The following ZNF133 variants were observed in gnomAD, a reference collection of about 807,000 sequenced individuals.
ZNF133 encodes the protein zinc finger protein 133.
A neutral mutation model predicts 54.9 loss-of-function variants in ZNF133; 26 were observed. That is an observed-to-expected ratio of 0.47 (90% CI 0.35 to 0.66). The LOEUF (loss-of-function observed/expected upper bound fraction) is 0.66, where lower values mean the gene tolerates loss of function less well. Among genes scored for constraint, ZNF133 ranks in the 30% least tolerant of loss-of-function variants. The probability of loss-of-function intolerance (pLI) is 0.01; values close to 1 mark genes in which losing one functional copy is unlikely to be tolerated. For synonymous variants in ZNF133, 298 were observed against 320.3 expected (o/e 0.93, Z 0.74); for missense variants, 653 against 820.8 (o/e 0.80, Z 2.50).
intron 1 of ZNF133, 29 bp downstream of exon 1, chr20:18,288,633 C>T (rs1051771773): frequency 1.8e-5 from 7 of 398,494 alleles, no homozygotes; most frequent in African/African-American, 4.1e-5. Context: ...GGACCCTTGC[C>T]GCAGCCGTAC....
chr20:18,289,491 T>A (rs1480680883), intron 1 of ZNF133, among the ~76,000 whole-genome samples: 1 of 152,106 alleles, frequency 6.6e-6, no homozygotes, highest in Non-Finnish European at 1.5e-5. Context: ...ACACAGAGAA[T>A]CCTTGCAATC....
At position 18,316,695 on chromosome 20, in the gene ZNF133, TC is replaced by T. The variant is rs1245627178; in HGVS notation, c.1845del (p.Phe615LeufsTer49). On this transcript the variant is annotated frameshift_variant, in exon 7 of 7. Coordinates refer to ENST00000425686, the MANE Select transcript of ZNF133 (RefSeq NM_001352452.2). LOFTEE classifies it low-confidence loss of function (END_TRUNC). ...GTGTGCAAGACGTGTGGGCGGGGCT[TC>T]AGCCTCAAGTCTCACCTCAGCAGAC... ...PYVCKTCGRGFSLKSHLSRHR... is the reference protein window; with the variant it reads ...PYVCKTCGRGXSLKSHLSRHR... The T allele has an allele frequency of 6.2e-7, 1 of 1,614,186 alleles. No individual in the cohort carries two copies. Among genetic ancestry groups the T allele is most frequent in the Admixed American group, 1.7e-5 (1 of 60,022 alleles).
At chr20:18,294,122 C>T (rs1210398328) in intron 1 of ZNF133, among the ~76,000 whole-genome samples, 3 of 152,140 alleles carry the variant, frequency 2.0e-5, no homozygotes, top group African/African-American at 7.2e-5. Context: ...GCTCAGAAGA[C>T]ACCCCCTTAA....
intron 6 of ZNF133, among the ~76,000 whole-genome samples, chr20:18,311,865 A>G (rs1194211329): frequency 1.3e-5 from 2 of 152,232 alleles, no homozygotes; most frequent in Non-Finnish European, 2.9e-5. Context: ...ATAAGATACT[A>G]GTTGGACACA....
intron 6 of ZNF133, among the ~76,000 whole-genome samples, chr20:18,309,150 G>T (rs2147620819): frequency 6.6e-6 from 1 of 152,128 alleles, no homozygotes; most frequent in South Asian, 2.1e-4. Flanking sequence ...ATTGGATTAG[G>T]GCCCACCCTT....
At position 18,306,402 on chromosome 20, in the gene ZNF133, G is replaced by C. The variant is rs1001728481; in HGVS notation, c.217+9G>C. 6.2e-7 allele frequency: 1 copy of C among 1,610,494 alleles called. No homozygotes were observed. Among genetic ancestry groups the C allele is most frequent in the African/African-American group, 1.3e-5 (1 of 74,894 alleles). ...ACCGGCAACCTGTCCAGGTGAGTGGGAAAACACTGGACAAATGAGACATGA... is the reference window on the plus strand; with the variant it reads ...ACCGGCAACCTGTCCAGGTGAGTGGCAAAACACTGGACAAATGAGACATGA... On this transcript the variant is annotated intron_variant, in intron 6 of 6. Transcript: ENST00000425686.
At position 18,305,322 on chromosome 20, in the gene ZNF133, G is replaced by A; in HGVS notation, c.-7+144G>A. On this transcript the variant is annotated intron_variant, in intron 4 of 6. Transcript: ENST00000425686. This position sits in a 1 kb window ranked among gnomAD's most constrained non-coding sequence, Gnocchi z 4.7. ...GATTTTGAGGAATTACTGAGTTATA[G>A]TGGACTATTTGATCTTTTAAATTCT... 1 of 540,284 alleles carries A rather than the reference G, an allele frequency of 1.9e-6. No individual in the cohort carries two copies. Among genetic ancestry groups the A allele is most frequent in the South Asian group, 5.2e-5 (1 of 19,252 alleles). 33.5% of individuals were successfully genotyped at this position (540,284 alleles called of 1,614,324 possible).
chr20:18,299,193 G>C (rs1797693045), intron 3 of ZNF133, among the ~76,000 whole-genome samples: 1 of 152,100 alleles, frequency 6.6e-6, no homozygotes, highest in Non-Finnish European at 1.5e-5. Flanking sequence ...GCTAAAGGAA[G>C]ATGTGGAGAA....
chr20:18,316,895 G>A lies in ZNF133; in HGVS notation c.*79G>A, dbSNP rs1290637126. The A allele has an allele frequency of 1.0e-5, 15 of 1,469,350 alleles. No individual in the cohort carries two copies. Among genetic ancestry groups the A allele is most frequent in the Middle Eastern group, 1.8e-4 (1 of 5,552 alleles). 91.0% of individuals were successfully genotyped at this position (1,469,350 alleles called of 1,614,324 possible). The stretch of plus-strand genomic sequence containing the variant: ...TGGAGTAGAGAAATGCATTCTGTAA[G>A]TGGTCAAAGGACATTTGACTGTTTA... On this transcript the variant is annotated 3_prime_UTR_variant, in exon 7 of 7. Coordinates refer to ENST00000425686, the MANE Select transcript of ZNF133 (RefSeq NM_001352452.2).
chr20:18,313,775 C>T (rs750421773), intron 6 of ZNF133: 1 of 152,208 alleles, frequency 6.6e-6, no homozygotes, highest in Non-Finnish European at 1.5e-5. Flanking sequence ...TCAGTGAAAG[C>T]AGGTAGGATT....
chr20:18,307,387 C>T lies in ZNF133; in HGVS notation c.217+994C>T, dbSNP rs192059508. 3.2e-4 allele frequency among the ~76,000 whole-genome samples: 48 copies of T among 152,204 alleles called. 1 individual carries two copies. In the South Asian group the frequency reaches 9.3e-3, roughly 30 times the overall value. ...TTCATTCTTGAAGTGTATCTTCGCTCGATGTAGAATTCTACATTGGTTATT... is the reference window on the plus strand; with the variant it reads ...TTCATTCTTGAAGTGTATCTTCGCTTGATGTAGAATTCTACATTGGTTATT... On this transcript the variant is annotated intron_variant, in intron 6 of 6. Transcript: ENST00000425686.
chr20:18,316,967 A>T lies in ZNF133; in HGVS notation c.*151A>T. 9.9e-7 allele frequency: 1 copy of T among 1,006,240 alleles called. No individual in the cohort carries two copies. The highest frequency in any genetic ancestry group is 1.4e-6 in the Non-Finnish European group (1 of 708,996). 62.3% of individuals were successfully genotyped at this position (1,006,240 alleles called of 1,614,324 possible). ...TCCATGTTTTGTGGCCTTCGGTTGTAATAAACTTGGCTTCTTTATACATCT... is the reference window on the plus strand; with the variant it reads ...TCCATGTTTTGTGGCCTTCGGTTGTTATAAACTTGGCTTCTTTATACATCT... On this transcript the variant is annotated 3_prime_UTR_variant, in exon 7 of 7. Coordinates refer to ENST00000425686, the MANE Select transcript of ZNF133 (RefSeq NM_001352452.2).
At position 18,316,683 on chromosome 20, in the gene ZNF133, G is replaced by A; in HGVS notation, c.1832G>A (p.Cys611Tyr). The change falls in exon 7 of 7, where the codon TGT becomes TAT. Residue 611 changes from cysteine to tyrosine, a missense_variant. By Grantham distance (194) the Cys-to-Tyr change is radical. Coordinates refer to ENST00000425686, the MANE Select transcript of ZNF133 (RefSeq NM_001352452.2). ...GAGAAGCCATATGTGTGCAAGACGT[G>A]TGGGCGGGGCTTCAGCCTCAAGTCT... Reference protein sequence around the residue: ...TGEKPYVCKTCGRGFSLKSHL... With the variant: ...TGEKPYVCKTYGRGFSLKSHL... The A allele has an allele frequency of 6.2e-7, 1 of 1,614,214 alleles. No homozygotes were observed. The highest frequency in any genetic ancestry group is 8.5e-7 in the Non-Finnish European group (1 of 1,180,038).
In ZNF133 at chr20:18,309,525, G is replaced by T. The variant is rs117717131; in HGVS notation, c.217+3132G>T. Among the ~76,000 whole-genome samples, 82 of 152,344 alleles carry T rather than the reference G, an allele frequency of 5.4e-4. 2 individuals are homozygous for T. In the East Asian group the frequency reaches 0.016, roughly 29 times the overall value. On this transcript the variant is annotated intron_variant, in intron 6 of 6. Transcript: ENST00000425686. ...AAGGCTGTGTCAGAGAAGGGAATGTGCACAGGAGAGAATGTGAAGATTGTG... is the reference window on the plus strand; with the variant it reads ...AAGGCTGTGTCAGAGAAGGGAATGTTCACAGGAGAGAATGTGAAGATTGTG...
intron 6 of ZNF133, among the ~76,000 whole-genome samples, chr20:18,311,875 A>G (rs964029942): frequency 6.6e-5 from 10 of 152,230 alleles, no homozygotes; most frequent in African/African-American, 2.4e-4. Flanking sequence ...AGTTGGACAC[A>G]TATATCTACA....
intron 1 of ZNF133, among the ~76,000 whole-genome samples, chr20:18,297,048 G>A (rs1017836308): frequency 6.6e-6 from 1 of 152,076 alleles, no homozygotes; most frequent in African/African-American, 2.4e-5. Context: ...ATATCCCATA[G>A]GCCCTTTCAT....
At chr20:18,306,644 A>T in intron 6 of ZNF133, 1 of 1,198,562 alleles carries the variant, frequency 8.3e-7, no homozygotes, top group Non-Finnish European at 1.1e-6. Context: ...TCTCCTCTCT[A>T]GCTCACTCAG....
At chr20:18,308,009 G>A (rs1250097497) in intron 6 of ZNF133, among the ~76,000 whole-genome samples, 1 of 152,148 alleles carries the variant, frequency 6.6e-6, no homozygotes, top group Non-Finnish European at 1.5e-5. Flanking sequence ...AAAGAGAAGT[G>A]TATGAAAGAG....
Position 18,306,344 on chromosome 20 carries a change from G to A in ZNF133, c.168G>A (p.Gly56=). 1.2e-6 allele frequency: 2 copies of A among 1,613,944 alleles called. No homozygotes were observed. The highest frequency in any genetic ancestry group is 1.3e-5 in the African/African-American group (1 of 75,050). The change falls in exon 6 of 7, where the codon GGG becomes GGA. Residue 56 remains glycine (G), a synonymous_variant. Transcript: ENST00000425686. Reference sequence around the variant, plus strand: ...AACTCATCACCCAGCTGGAGCAAGGGAAAGAGACCTGGAGAGAGGAAAAAA... The same window carrying A: ...AACTCATCACCCAGCTGGAGCAAGGAAAAGAGACCTGGAGAGAGGAAAAAA... ...KPELITQLEQ[G]KETWREEKKC... is the part of the protein sequence containing the mutation.
Sources: allele counts gnomAD v4.1 joint callset (sites outside exome capture counted in the v4.1 genomes callset), GRCh38; gene constraint gnomAD v4.1.1; non-coding constraint Gnocchi (gnomAD v3.1); transcripts MANE v1.5; gene names NCBI Gene and HGNC (gene_info 2026-07-23, HGNC 2026-07-21).